RIMS3: variants seen among roughly 807,000 people sequenced by gnomAD.
RIMS3 encodes regulating synaptic membrane exocytosis protein 3.
Under a neutral mutation model 29.2 loss-of-function variants are expected in RIMS3, and 15 were observed. That is an observed-to-expected ratio of 0.51 (90% CI 0.34 to 0.79). RIMS3 has a LOEUF of 0.79. RIMS3 is among the 30% of genes least tolerant of loss of function. RIMS3 has a pLI of 0.01. For synonymous variants in RIMS3, 161 were observed against 170.1 expected (o/e 0.95, Z 0.41); for missense variants, 342 against 421.4 (o/e 0.81, Z 1.65).
chr1:40,637,294 C>G (rs1646526199), intron 3 of RIMS3, among the ~76,000 whole-genome samples: 1 of 152,194 alleles, frequency 6.6e-6, no homozygotes, highest in Admixed American at 6.5e-5. Context: ...GTCTGCTTAT[C>G]TTTCAGAAAG....
chr1:40,658,281 CTCTGAA>C (rs549246342), intron 1 of RIMS3, among the ~76,000 whole-genome samples: 218 of 152,326 alleles, frequency 1.4e-3, no homozygotes, highest in African/African-American at 4.7e-3. Context: ...CTCCTCAGGC[CTCTGAA>C]TGACATTTGA....
At chr1:40,685,140 C>T in the RIMS3 span, among the ~76,000 whole-genome samples, 1 of 151,824 alleles carries the variant, frequency 6.6e-6, no homozygotes, top group African/African-American at 2.4e-5. Flanking sequence ...CATGTTCCTA[C>T]TCCTGTGGCT....
intron 1 of RIMS3, among the ~76,000 whole-genome samples, chr1:40,661,071 A>C (rs1642344779): frequency 2.0e-5 from 3 of 152,014 alleles, no homozygotes; most frequent in Non-Finnish European, 2.9e-5. Flanking sequence ...CGCTCCTCCT[A>C]GGTGGAGACT....
intron 3 of RIMS3, among the ~76,000 whole-genome samples, chr1:40,638,604 C>T (rs1333498431): frequency 6.6e-6 from 1 of 152,200 alleles, no homozygotes; most frequent in Non-Finnish European, 1.5e-5. Flanking sequence ...GACCCAGATC[C>T]CAGAGTCCAG....
At chr1:40,684,665 C>T in the RIMS3 span, among the ~76,000 whole-genome samples, 1 of 152,212 alleles carries the variant, frequency 6.6e-6, no homozygotes, top group African/African-American at 2.4e-5. Context: ...TGTAGCTAGT[C>T]TCTTGACAGG....
chr1:40,648,986 G>A (rs1229014282), intron 1 of RIMS3, among the ~76,000 whole-genome samples: 1 of 152,214 alleles, frequency 6.6e-6, no homozygotes, highest in Non-Finnish European at 1.5e-5. Flanking sequence ...AGGGGGAAAG[G>A]GGCTCCTTCG....
At chr1:40,672,100 T>C in the RIMS3 span, among the ~76,000 whole-genome samples, 2 of 151,734 alleles carry the variant, frequency 1.3e-5, no homozygotes, top group Non-Finnish European at 2.9e-5. Flanking sequence ...TATTTCCTTA[T>C]AGCAATGCAA....
intron 1 of RIMS3, among the ~76,000 whole-genome samples, chr1:40,659,806 A>G (rs1305684819): frequency 6.6e-6 from 1 of 152,180 alleles, no homozygotes; most frequent in African/African-American, 2.4e-5. Flanking sequence ...ATTGGGGACA[A>G]CACGTGTGGA....
At chr1:40,651,702 T>C (rs892785425) in intron 1 of RIMS3, among the ~76,000 whole-genome samples, 6 of 152,188 alleles carry the variant, frequency 3.9e-5, no homozygotes, top group Non-Finnish European at 1.5e-5. Flanking sequence ...TCAGTAAATA[T>C]TTGTAGAATG....
rs1253470344 is a variant in RIMS3, at chr1:40,635,915, C to T, written c.359+1G>A. The T allele has an allele frequency of 3.1e-6, 5 of 1,612,668 alleles. No homozygotes were observed. Among genetic ancestry groups the T allele is most frequent in the East Asian group, 2.2e-5 (1 of 44,882 alleles). On this transcript the variant is annotated splice_donor_variant, in intron 4 of 7. Transcript: ENST00000372684. LOFTEE classifies it high-confidence loss of function. This position sits in a 1 kb window ranked among gnomAD's most constrained non-coding sequence, Gnocchi z 4.1. ...GGACCACAGCACGGGGCTGCACGCA[C>T]GTGCCGTCGGAGCTGTTGCTGTTGG...
At chr1:40,650,696 TAA>T (rs1186374949) in intron 1 of RIMS3, among the ~76,000 whole-genome samples, 3 of 141,916 alleles carry the variant, frequency 2.1e-5, no homozygotes, top group African/African-American at 2.6e-5. Flanking sequence ...ACCTCATCTC[TAA>T]AAAAAAAAAA....
In RIMS3 at chr1:40,636,834, A is replaced by G. The variant is rs1339657186; in HGVS notation, c.218-777T>C. ...TGGCCTCCCCCTCAGCCTTGCAGGG[A>G]ACATGGGACACTTTCCCTCTCCCAG... is the stretch of plus-strand genomic sequence containing the variant. On this transcript the variant is annotated intron_variant, in intron 3 of 7. Transcript: ENST00000372684. The surrounding 1 kb of genome is among the most constrained non-coding windows in gnomAD (Gnocchi z 4.2). Among the ~76,000 whole-genome samples, 1 of 152,132 alleles carries G rather than the reference A, an allele frequency of 6.6e-6. No homozygotes were observed. The highest frequency in any genetic ancestry group is 1.9e-4 in the East Asian group (1 of 5,184).
At chr1:40,664,600 C>G (rs1642398457) in intron 1 of RIMS3, among the ~76,000 whole-genome samples, 1 of 152,160 alleles carries the variant, frequency 6.6e-6, no homozygotes, top group Non-Finnish European at 1.5e-5. Context: ...GTGGCAGTGC[C>G]AGCCAATGCC....
Position 40,635,985 on chromosome 1 carries a change from C to G in RIMS3, c.290G>C (p.Ser97Thr). The change falls in exon 4 of 8, where the codon AGC becomes ACC. Residue 97 changes from serine (S) to threonine (T), a missense_variant. Ser to Thr is a moderately conservative substitution (Grantham distance 58). Transcript: ENST00000372684. The surrounding 1 kb of genome is among the most constrained non-coding windows in gnomAD (Gnocchi z 4.1). ...TETGIAVEMR[S>T]RVTRQGSRES... ...CCGGCTGCCCTGGCGTGTGACCCGGCTCCGCATCTCCACCGCGATGCCTGT... is the reference window on the plus strand; with the variant it reads ...CCGGCTGCCCTGGCGTGTGACCCGGGTCCGCATCTCCACCGCGATGCCTGT... The G allele has an allele frequency of 6.2e-7, 1 of 1,610,668 alleles. No individual in the cohort carries two copies. The highest frequency in any genetic ancestry group is 1.1e-5 in the South Asian group (1 of 91,060).
intron 2 of RIMS3, among the ~76,000 whole-genome samples, chr1:40,643,014 G>A (rs1187215466): frequency 6.6e-6 from 1 of 152,036 alleles, no homozygotes; most frequent in Non-Finnish European, 1.5e-5. Context: ...CACTATGTAT[G>A]CTACCGTGAT....
chr1:40,680,482 C>T, the RIMS3 span, among the ~76,000 whole-genome samples: 1 of 151,998 alleles, frequency 6.6e-6, no homozygotes, highest in Non-Finnish European at 1.5e-5. Context: ...CAGGTGTCTG[C>T]CACCATACCC....
At chr1:40,634,330 A>G (rs931098352) in intron 4 of RIMS3, among the ~76,000 whole-genome samples, 7 of 152,180 alleles carry the variant, frequency 4.6e-5, no homozygotes, top group Non-Finnish European at 1.0e-4. Context: ...TCCACCCCAC[A>G]GGGAGGGGCT....
At chr1:40,627,745 G>T (rs1646464499) in intron 7 of RIMS3, among the ~76,000 whole-genome samples, 1 of 151,120 alleles carries the variant, frequency 6.6e-6, no homozygotes, top group Non-Finnish European at 1.5e-5. Flanking sequence ...GGGATTACTG[G>T]CACGTGCCAC....
At chr1:40,660,756 G>A (rs559914475) in intron 1 of RIMS3, among the ~76,000 whole-genome samples, 11 of 152,140 alleles carry the variant, frequency 7.2e-5, no homozygotes, top group African/African-American at 2.4e-4. Flanking sequence ...GAGATTACCC[G>A]GGAGGTAGGG....
Sources: allele counts gnomAD v4.1 joint callset (sites outside exome capture counted in the v4.1 genomes callset), GRCh38; gene constraint gnomAD v4.1.1; non-coding constraint Gnocchi (gnomAD v3.1); transcripts MANE v1.5; gene names NCBI Gene and HGNC (gene_info 2026-07-23, HGNC 2026-07-21).